The following ZFPM2 variants were observed in gnomAD, a reference collection of about 807,000 sequenced individuals.
ZFPM2 encodes the protein zinc finger protein ZFPM2.
ZFPM2 carries 20 observed loss-of-function variants against 98.6 expected under a neutral mutation model. The ratio of observed to expected loss-of-function variants is 0.20; its 90% CI spans 0.14 to 0.29. The LOEUF (loss-of-function observed/expected upper bound fraction) is 0.29, where lower values mean the gene tolerates loss of function less well. Ranked by LOEUF, ZFPM2 falls within the 10% of genes least tolerant of loss-of-function variation. The probability of loss-of-function intolerance (pLI) is 1.00; values close to 1 mark genes in which losing one functional copy is unlikely to be tolerated. For missense variants in ZFPM2, 1,310 were observed against 1,388.6 expected, an observed-to-expected ratio of 0.94 and a Z score of 0.90; for synonymous variants, 518 against 502.7, an observed-to-expected ratio of 1.03 and a Z score of -0.41.
chr8:105,686,207 G>A (rs1043429302), intron 5 of ZFPM2, among the ~76,000 whole-genome samples: 5 of 152,050 alleles, frequency 3.3e-5, no homozygotes, highest in South Asian at 2.1e-4. Context: ...AGATGTGTCC[G>A]TTTTCCATTG....
At chr8:105,619,237 G>A (rs1816480637) in intron 4 of ZFPM2, among the ~76,000 whole-genome samples, 1 of 151,980 alleles carries the variant, frequency 6.6e-6, no homozygotes. Flanking sequence ...GTTTGGTCAT[G>A]GACCATCAAA....
chr8:105,473,255 A>T (rs937721904), intron 3 of ZFPM2, among the ~76,000 whole-genome samples: 1 of 151,352 alleles, frequency 6.6e-6, no homozygotes, highest in Non-Finnish European at 1.5e-5. Context: ...AGGATCTTCT[A>T]TGATCTTTCT....
At chr8:105,745,191 T>C (rs570608030) in intron 5 of ZFPM2, among the ~76,000 whole-genome samples, 65 of 152,244 alleles carry the variant, frequency 4.3e-4, no homozygotes, top group Middle Eastern at 3.4e-3. Context: ...AGCTATATTG[T>C]ATCATCATCT....
intron 3 of ZFPM2, among the ~76,000 whole-genome samples, chr8:105,488,065 G>A (rs1424729667): frequency 6.6e-6 from 1 of 151,430 alleles, no homozygotes; most frequent in Non-Finnish European, 1.5e-5. Flanking sequence ...TCCCATTACC[G>A]AGATCCCCCA....
chr8:105,398,593 A>G (rs1811270893), intron 1 of ZFPM2, among the ~76,000 whole-genome samples: 1 of 152,010 alleles, frequency 6.6e-6, no homozygotes, highest in Admixed American at 6.6e-5. Flanking sequence ...CAGGCATTAG[A>G]TTCTCATAAG....
intron 4 of ZFPM2, among the ~76,000 whole-genome samples, chr8:105,564,634 CTTCTGATTCGAGA>C: frequency 6.6e-6 from 1 of 152,164 alleles, no homozygotes; most frequent in East Asian, 1.9e-4. Context: ...AAAATTCTCA[CTTCTGATTCGAGA>C]GTCTGCTTTT....
intron 5 of ZFPM2, among the ~76,000 whole-genome samples, chr8:105,747,060 A>C: frequency 6.6e-6 from 1 of 152,094 alleles, no homozygotes; most frequent in East Asian, 1.9e-4. Flanking sequence ...TTCAGCATAT[A>C]AACACAAGGA....
chr8:105,759,306 G>A (rs1410225135), intron 5 of ZFPM2, among the ~76,000 whole-genome samples: 1 of 152,058 alleles, frequency 6.6e-6, no homozygotes, highest in Admixed American at 6.6e-5. Context: ...AGTATTGCAT[G>A]CCATATGCTG....
intron 3 of ZFPM2, among the ~76,000 whole-genome samples, chr8:105,501,713 C>T (rs1276703624): frequency 2.6e-5 from 4 of 151,268 alleles, no homozygotes. Context: ...TCTTGAACTC[C>T]TGACCTCGTG....
intron 3 of ZFPM2, among the ~76,000 whole-genome samples, chr8:105,454,178 C>T (rs1343752784): frequency 6.6e-6 from 1 of 151,230 alleles, no homozygotes; most frequent in Non-Finnish European, 1.5e-5. Context: ...CTACACTCAC[C>T]CCCCACCCCC....
At chr8:105,791,715 G>T (rs1813618107) in intron 6 of ZFPM2, among the ~76,000 whole-genome samples, 1 of 152,102 alleles carries the variant, frequency 6.6e-6, no homozygotes, top group African/African-American at 2.4e-5. Context: ...GAATCCATCT[G>T]GTCCTGGACT....
intron 4 of ZFPM2, among the ~76,000 whole-genome samples, chr8:105,594,727 T>C (rs1815931286): frequency 6.6e-6 from 1 of 152,126 alleles, no homozygotes; most frequent in African/African-American, 2.4e-5. Flanking sequence ...AATTTTATAC[T>C]ACCTCCCTAC....
In ZFPM2 at chr8:105,493,725, C is replaced by A. The variant is rs191848819; in HGVS notation, c.301+49344C>A. On this transcript the variant is annotated intron_variant, in intron 3 of 7. Coordinates refer to ENST00000407775, the MANE Select transcript of ZFPM2 (RefSeq NM_012082.4). ...ATAGATAGATAGATCTATCAATAGTCAGACAAGCAGTTAATCTGTCCACTG... is the reference window on the plus strand; with the variant it reads ...ATAGATAGATAGATCTATCAATAGTAAGACAAGCAGTTAATCTGTCCACTG... 2.4e-3 allele frequency among the ~76,000 whole-genome samples: 358 copies of A among 152,276 alleles called. 2 individuals are homozygous for A. The highest frequency in any genetic ancestry group is 5.6e-3 in the South Asian group (27 of 4,828).
intron 3 of ZFPM2, among the ~76,000 whole-genome samples, chr8:105,518,136 A>G (rs1813976812): frequency 6.6e-6 from 1 of 152,270 alleles, no homozygotes; most frequent in South Asian, 2.1e-4. Flanking sequence ...GAAACTACCT[A>G]AGGATTAGGA....
At chr8:105,351,733 A>G (rs1217255451) in intron 1 of ZFPM2, among the ~76,000 whole-genome samples, 1 of 152,064 alleles carries the variant, frequency 6.6e-6, no homozygotes, top group Non-Finnish European at 1.5e-5. Flanking sequence ...GGGAAGAAAT[A>G]ATTCTTTATT....
chr8:105,471,196 G>A (rs943830892), intron 3 of ZFPM2, among the ~76,000 whole-genome samples: 4 of 152,044 alleles, frequency 2.6e-5, no homozygotes, highest in African/African-American at 9.7e-5. Flanking sequence ...CTATGTATAC[G>A]TTCAGTCTCA....
intron 3 of ZFPM2, among the ~76,000 whole-genome samples, chr8:105,478,122 A>G (rs1188974531): frequency 1.3e-5 from 2 of 152,168 alleles, no homozygotes; most frequent in African/African-American, 4.8e-5. Flanking sequence ...CTCATTAGAC[A>G]TCTTCCATCT....
intron 1 of ZFPM2, among the ~76,000 whole-genome samples, chr8:105,365,218 G>A (rs1810484781): frequency 6.6e-6 from 1 of 152,126 alleles, no homozygotes. Flanking sequence ...ACTGATAGGT[G>A]AGTGGAAGAG....
chr8:105,786,474 TC>T (rs2131129349), intron 5 of ZFPM2, among the ~76,000 whole-genome samples: 1 of 152,334 alleles, frequency 6.6e-6, no homozygotes, highest in African/African-American at 2.4e-5. Context: ...AAAGATTAAA[TC>T]CAAAGATAAC....
Sources: allele counts gnomAD v4.1 joint callset (sites outside exome capture counted in the v4.1 genomes callset), GRCh38; gene constraint gnomAD v4.1.1; transcripts MANE v1.5; gene names NCBI Gene and HGNC (gene_info 2026-07-23, HGNC 2026-07-21).